Variants in FAM120B observed in about 807,000 individuals in gnomAD.
FAM120B encodes constitutive coactivator of peroxisome proliferator-activated receptor gamma.
Under a neutral mutation model 96.3 loss-of-function variants are expected in FAM120B, and 83 were observed. The ratio of observed to expected loss-of-function variants is 0.86; its 90% CI spans 0.72 to 1.03. FAM120B has a LOEUF of 1.03. Among genes scored for constraint, FAM120B ranks in the 50% least tolerant of loss-of-function variants. The pLI is 0.00. For synonymous variants in FAM120B, 407 were observed against 402.7 expected (o/e 1.01, Z -0.13); for missense variants, 1,027 against 1,121.2 (o/e 0.92, Z 1.20).
chr6:170,306,056 C>T (rs529521627), upstream of FAM120B, among the ~76,000 whole-genome samples: 211 of 152,332 alleles, frequency 1.4e-3, no homozygotes, highest in African/African-American at 4.9e-3. Flanking sequence ...CTCTGCCTTT[C>T]CTCTCTCTCC....
chr6:170,388,489 A>G lies in FAM120B; in HGVS notation c.2486A>G (p.Gln829Arg), dbSNP rs1407147568. The stretch of plus-strand genomic sequence containing the variant: ...TATGCTGTGGAGGTTCTTTTAGAAC[A>G]AAATGTGAGTTCACAGACACCTACC... ...KGYAVEVLLE[Q>R]NRSRLTKFHN... Residue 829 changes from glutamine (Q) to arginine (R), a missense_variant, in exon 7 of 11, where the codon CAA becomes CGA. Physicochemically the swap from Gln to Arg is conservative, Grantham distance 43. This residue lies in a region of FAM120B where 142 missense variants were observed against 122.5 expected (regional missense o/e 1.16). Transcript: ENST00000476287. The G allele has an allele frequency of 1.9e-6, 3 of 1,613,906 alleles. No homozygotes were observed. The highest frequency in any genetic ancestry group is 2.5e-6 in the Non-Finnish European group (3 of 1,179,766).
intron 3 of FAM120B, among the ~76,000 whole-genome samples, chr6:170,327,230 G>T (rs1364183712): frequency 1.3e-5 from 2 of 151,734 alleles, no homozygotes; most frequent in Non-Finnish European, 2.9e-5. Flanking sequence ...GTATTTTTAG[G>T]AGAGACGGGG....
intron 10 of FAM120B, 64 bp from the exon 11 acceptor site, chr6:170,404,699 A>G: frequency 2.1e-6 from 2 of 937,092 alleles, no homozygotes; most frequent in South Asian, 1.4e-5. Context: ...CAGAACTCAG[A>G]TATTGAATCC....
At chr6:170,382,152 G>A (rs1789941994) in intron 6 of FAM120B, among the ~76,000 whole-genome samples, 1 of 152,192 alleles carries the variant, frequency 6.6e-6, no homozygotes, top group African/African-American at 2.4e-5. Context: ...GGGGTGTGGT[G>A]GCTCATGCCT....
intron 6 of FAM120B, among the ~76,000 whole-genome samples, chr6:170,365,755 G>A (rs972291208): frequency 2.3e-5 from 3 of 129,958 alleles, no homozygotes; most frequent in Non-Finnish European, 4.8e-5. Flanking sequence ...AGCAGGGCTC[G>A]GCCCCTGACA....
chr6:170,348,972 C>T (rs1326405005), intron 5 of FAM120B, among the ~76,000 whole-genome samples: 1 of 152,146 alleles, frequency 6.6e-6, no homozygotes, highest in Non-Finnish European at 1.5e-5. Flanking sequence ...ACAAGGTGGA[C>T]TGTTTCTTTT....
rs77504027 is a variant in FAM120B, at chr6:170,376,126, A to G, written c.2284-12161A>G. On this transcript the variant is annotated intron_variant, in intron 6 of 10. Coordinates refer to ENST00000476287, the MANE Select transcript of FAM120B (RefSeq NM_032448.3). ...GAAGTGAAATTGCTAGGCCCTCATC[A>G]TTATTACAGCATGAGATACAAGGAG... 9.0e-3 allele frequency among the ~76,000 whole-genome samples: 1,365 copies of G among 152,254 alleles called. 70 individuals are homozygous for G. In the East Asian group the frequency reaches 0.11, roughly 12 times the overall value.
rs1183779052 is a variant in FAM120B, at chr6:170,404,836, G to A, written c.*85G>A. 2 of 515,488 alleles carry A rather than the reference G, an allele frequency of 3.9e-6. No homozygotes were observed. Among genetic ancestry groups the A allele is most frequent in the African/African-American group, 1.9e-5 (1 of 51,296 alleles). 31.9% of individuals were successfully genotyped at this position (515,488 alleles called of 1,614,324 possible). Reference sequence around the variant, plus strand: ...AGCGCCCTCCTCTGCTGTTGCAGCTGCAAGGAGACCATGCCTGTGGGAGCC... The same window carrying A: ...AGCGCCCTCCTCTGCTGTTGCAGCTACAAGGAGACCATGCCTGTGGGAGCC... On this transcript the variant is annotated 3_prime_UTR_variant, in exon 11 of 11. Coordinates refer to ENST00000476287, the MANE Select transcript of FAM120B (RefSeq NM_032448.3).
intron 5 of FAM120B, among the ~76,000 whole-genome samples, chr6:170,349,774 A>G (rs1787455097): frequency 6.6e-6 from 1 of 152,196 alleles, no homozygotes; most frequent in Non-Finnish European, 1.5e-5. Flanking sequence ...GAGGAATGAA[A>G]AGGGGCAAGT....
chr6:170,398,179 G>A (rs116177160), intron 9 of FAM120B, among the ~76,000 whole-genome samples: 186 of 152,376 alleles, frequency 1.2e-3, no homozygotes, highest in African/African-American at 3.6e-3. Context: ...CACAGGCAAC[G>A]CACTGAAACC....
intron 6 of FAM120B, among the ~76,000 whole-genome samples, chr6:170,361,957 C>T (rs899471010): frequency 1.3e-5 from 2 of 152,022 alleles, no homozygotes; most frequent in Non-Finnish European, 2.9e-5. Context: ...CCACACCCGG[C>T]TAATTTTTGT....
At chr6:170,314,920 A>T (rs906989624) in intron 1 of FAM120B, among the ~76,000 whole-genome samples, 1 of 152,204 alleles carries the variant, frequency 6.6e-6, no homozygotes, top group Non-Finnish European at 1.5e-5. Context: ...CATGATTCAA[A>T]CTGTGAGAAA....
At chr6:170,380,512 T>A (rs901780685) in intron 6 of FAM120B, among the ~76,000 whole-genome samples, 4 of 152,238 alleles carry the variant, frequency 2.6e-5, no homozygotes, top group African/African-American at 9.6e-5. Flanking sequence ...TCACCAGCAC[T>A]TATCTCTTGT....
intron 5 of FAM120B, among the ~76,000 whole-genome samples, chr6:170,353,555 A>T: frequency 6.6e-6 from 1 of 152,204 alleles, no homozygotes; most frequent in East Asian, 1.9e-4. Context: ...ATCCACCATG[A>T]TCTAGTTGAC....
intron 4 of FAM120B, among the ~76,000 whole-genome samples, chr6:170,339,276 T>C (rs1221503171): frequency 1.3e-5 from 2 of 152,164 alleles, no homozygotes; most frequent in Admixed American, 6.6e-5. Context: ...GTGAAACTTA[T>C]TTGGCTGGAT....
chr6:170,381,479 A>G (rs1197758008), intron 6 of FAM120B, among the ~76,000 whole-genome samples: 2 of 152,208 alleles, frequency 1.3e-5, no homozygotes, highest in African/African-American at 4.8e-5. Flanking sequence ...TGCTAGTTCT[A>G]CATTCTCTTC....
At chr6:170,355,880 C>A (rs1182822293) in intron 5 of FAM120B, among the ~76,000 whole-genome samples, 2 of 152,070 alleles carry the variant, frequency 1.3e-5, no homozygotes, top group African/African-American at 4.8e-5. Context: ...TGGTGCATAG[C>A]CAGTAAGCTG....
intron 4 of FAM120B, among the ~76,000 whole-genome samples, chr6:170,341,787 T>C (rs953928960): frequency 6.6e-6 from 1 of 152,194 alleles, no homozygotes; most frequent in African/African-American, 2.4e-5. Context: ...ACCCTGCTTC[T>C]GGTCACCCTC....
chr6:170,391,400 TGGCGGGCGCCTGTAA>T (rs1004905728), intron 8 of FAM120B, among the ~76,000 whole-genome samples: 1 of 152,094 alleles, frequency 6.6e-6, no homozygotes, highest in Non-Finnish European at 1.5e-5. Context: ...CCGGGCGTGT[TGGCGGGCGCCTGTAA>T]TCCCAGCTAC....
Sources: allele counts gnomAD v4.1 joint callset (sites outside exome capture counted in the v4.1 genomes callset), GRCh38; gene constraint gnomAD v4.1.1; regional missense constraint gnomAD v4.1.1; transcripts MANE v1.5; gene names NCBI Gene and HGNC (gene_info 2026-07-23, HGNC 2026-07-21).